Variants in NRG4 observed in about 807,000 individuals in gnomAD.
NRG4 encodes pro-neuregulin-4, membrane-bound isoform.
In NRG4, 10 loss-of-function variants were observed where a neutral mutation model predicts 15.0. The observed-to-expected ratio is 0.67, with a 90% CI of 0.41 to 1.13. The LOEUF (loss-of-function observed/expected upper bound fraction) is 1.13. NRG4 is among the 50% of genes most tolerant of loss of function. NRG4 has a pLI of 0.00. For missense variants in NRG4, 139 were observed against 140.2 expected (o/e 0.99, Z 0.04); for synonymous variants, 41 against 50.1 (o/e 0.82, Z 0.77).
At chr15:75,963,227 C>T (rs953317364) in intron 3 of NRG4, among the ~76,000 whole-genome samples, 38 of 152,210 alleles carry the variant, frequency 2.5e-4, no homozygotes, top group African/African-American at 8.7e-4. Flanking sequence ...GATAGCTTCC[C>T]GGGGCGGTAT....
intron 3 of NRG4, among the ~76,000 whole-genome samples, chr15:75,981,494 G>T (rs920853164): frequency 3.9e-5 from 6 of 152,144 alleles, no homozygotes; most frequent in Non-Finnish European, 8.8e-5. Flanking sequence ...TAGAAGTAAG[G>T]TGTTTGTGTA....
intron 5 of NRG4, 93 bp downstream of exon 5, chr15:75,955,839 T>G (rs148551460): frequency 2.2e-5 from 16 of 733,296 alleles, no homozygotes; most frequent in African/African-American, 1.8e-4. Flanking sequence ...TCAACCTTTT[T>G]TTTCTGGATA....
rs71140190 is a variant in NRG4, at chr15:75,968,585, T to TAAAA, written c.105-6615_105-6612dup. On this transcript the variant is annotated intron_variant, in intron 3 of 5. Coordinates refer to ENST00000394907, the MANE Select transcript of NRG4 (RefSeq NM_138573.4). ...CTTGGCGATAGAGCGAAACTCCATC[T>TAAAA]AAAAAAAAAAAAAAAAAAAAAGTCT... Among the ~76,000 whole-genome samples, 91 of 99,114 alleles carry TAAAA rather than the reference T, an allele frequency of 9.2e-4. 1 individual carries two copies. The highest frequency in any genetic ancestry group is 3.5e-3 in the African/African-American group (87 of 25,074). 65.0% of individuals were successfully genotyped at this position (99,114 alleles called of 152,430 possible).
At chr15:76,041,942 CTT>C (rs1368481474) in intron 4 of NRG4, among the ~76,000 whole-genome samples, 4 of 152,052 alleles carry the variant, frequency 2.6e-5, no homozygotes, top group East Asian at 1.9e-4. Flanking sequence ...AAAAACAAGT[CTT>C]AAAGTATTTT....
chr15:75,967,981 T>C (rs2032898960), intron 3 of NRG4, among the ~76,000 whole-genome samples: 1 of 152,208 alleles, frequency 6.6e-6, no homozygotes, highest in Admixed American at 6.5e-5. Context: ...ACATTTTATT[T>C]ACTAAAACTA....
At chr15:76,019,092 C>A (rs2035073403) in intron 5 of NRG4, among the ~76,000 whole-genome samples, 1 of 152,010 alleles carries the variant, frequency 6.6e-6, no homozygotes, top group South Asian at 2.1e-4. Flanking sequence ...GCGGTGGGCT[C>A]CACCTAGTTC....
intron 3 of NRG4, among the ~76,000 whole-genome samples, chr15:75,967,715 G>A (rs971069643): frequency 2.0e-5 from 3 of 152,080 alleles, no homozygotes; most frequent in African/African-American, 7.2e-5. Flanking sequence ...GCCCACCTCG[G>A]CATCCCAAAG....
intron 4 of NRG4, among the ~76,000 whole-genome samples, chr15:76,049,000 C>T (rs1212408621): frequency 6.7e-6 from 1 of 149,796 alleles, no homozygotes; most frequent in Admixed American, 6.6e-5. Context: ...GCTGAGATCA[C>T]GCCACTGTAC....
At chr15:75,951,883 T>C (rs2031923535) in intron 5 of NRG4, among the ~76,000 whole-genome samples, 1 of 152,188 alleles carries the variant, frequency 6.6e-6, no homozygotes, top group Non-Finnish European at 1.5e-5. Context: ...ACCCACATAG[T>C]TGTCATTTCT....
intron 5 of NRG4, among the ~76,000 whole-genome samples, chr15:76,022,893 T>C (rs1357523047): frequency 6.6e-6 from 1 of 152,026 alleles, no homozygotes; most frequent in Non-Finnish European, 1.5e-5. Context: ...GAGGCTGTTT[T>C]AATAATAGTG....
chr15:76,013,384 A>C (rs2034877887), upstream of NRG4, among the ~76,000 whole-genome samples: 1 of 152,156 alleles, frequency 6.6e-6, no homozygotes, highest in East Asian at 1.9e-4. Context: ...GTTCTGGGAT[A>C]CATGTGCAGA....
intron 3 of NRG4, among the ~76,000 whole-genome samples, chr15:75,981,699 T>C (rs1421571709): frequency 1.3e-5 from 2 of 152,144 alleles, no homozygotes; most frequent in African/African-American, 4.8e-5. Context: ...CCAGCCCAAA[T>C]ACCTGTCAAA....
At chr15:75,948,385 C>T (rs970295926) in intron 5 of NRG4, among the ~76,000 whole-genome samples, 1 of 151,792 alleles carries the variant, frequency 6.6e-6, no homozygotes, top group East Asian at 1.9e-4. Flanking sequence ...CTTCATCCTC[C>T]GCCTGCCGGC....
intron 3 of NRG4, chr15:75,969,007 G>T (rs1220865141): frequency 9.5e-6 from 2 of 210,594 alleles, no homozygotes; most frequent in East Asian, 1.2e-4. Flanking sequence ...CCATGTTTTG[G>T]TAAAACTTCA....
intron 4 of NRG4, among the ~76,000 whole-genome samples, chr15:76,042,186 C>T (rs923665432): frequency 6.6e-6 from 1 of 151,314 alleles, no homozygotes; most frequent in Non-Finnish European, 1.5e-5. Flanking sequence ...AAAGCAATAC[C>T]GAGAGAGAAG....
At chr15:75,991,997 T>C (rs537118988) in intron 3 of NRG4, among the ~76,000 whole-genome samples, 3 of 152,172 alleles carry the variant, frequency 2.0e-5, no homozygotes, top group Non-Finnish European at 2.9e-5. Flanking sequence ...TCATTATCTA[T>C]AAACCTTTTA....
Position 75,989,903 on chromosome 15 carries a change from C to T in NRG4, c.104+19297G>A, listed in dbSNP as rs183961781. The stretch of plus-strand genomic sequence containing the variant: ...GAGCATTGAACTTTGCTTTGGGAGA[C>T]GAAGTTACTTGTAAATCAGCTTGAT... On this transcript the variant is annotated intron_variant, in intron 3 of 5. Coordinates refer to ENST00000394907, the MANE Select transcript of NRG4 (RefSeq NM_138573.4). Among the ~76,000 whole-genome samples the T allele has an allele frequency of 8.4e-4, 128 of 152,130 alleles. 1 individual carries two copies. Among genetic ancestry groups the T allele is most frequent in the Non-Finnish European group, 1.4e-3 (98 of 68,002 alleles).
intron 5 of NRG4, among the ~76,000 whole-genome samples, chr15:76,022,457 A>G (rs928460105): frequency 6.9e-6 from 1 of 144,784 alleles, no homozygotes; most frequent in Admixed American, 7.1e-5. Flanking sequence ...CACACACACA[A>G]TGCTTAACTG....
chr15:76,035,892 A>C (rs2035586638), intron 5 of NRG4: 2 of 152,328 alleles, frequency 1.3e-5, no homozygotes, highest in Admixed American at 1.3e-4. Flanking sequence ...TATTTCTGAA[A>C]TAGATAAACG....
Sources: allele counts gnomAD v4.1 joint callset (sites outside exome capture counted in the v4.1 genomes callset), GRCh38; gene constraint gnomAD v4.1.1; transcripts MANE v1.5; gene names NCBI Gene and HGNC (gene_info 2026-07-23, HGNC 2026-07-21).